CADM2: variants seen among roughly 807,000 people sequenced by gnomAD.
CADM2 encodes the protein cell adhesion molecule 2, also known as immunoglobulin superfamily member 4D.
A neutral mutation model predicts 49.8 loss-of-function variants in CADM2; 12 were observed. The observed-to-expected ratio is 0.24, with a 90% confidence interval of 0.15 to 0.39. CADM2 has a LOEUF of 0.39. CADM2 is among the 10% of genes least tolerant of loss of function. CADM2 has a pLI of 1.00. For synonymous variants in CADM2, 214 were observed against 175.4 expected (o/e 1.22, Z -1.74); for missense variants, 378 against 492.3 (o/e 0.77, Z 2.20).
intron 1 of CADM2, among the ~76,000 whole-genome samples, chr3:85,595,350 T>C (rs1283104270): frequency 6.6e-6 from 1 of 152,042 alleles, no homozygotes; most frequent in Non-Finnish European, 1.5e-5. Context: ...TGACTTCTGA[T>C]ATTATCCAAT....
At chr3:85,474,480 C>T (rs895401915) in intron 1 of CADM2, among the ~76,000 whole-genome samples, 4 of 151,972 alleles carry the variant, frequency 2.6e-5, no homozygotes, top group African/African-American at 9.7e-5. Flanking sequence ...ATCCATAAAG[C>T]ACCTCCACAG....
intron 8 of CADM2, among the ~76,000 whole-genome samples, chr3:86,009,217 G>GTATA (rs1553722325): frequency 4.1e-5 from 6 of 145,136 alleles, no homozygotes; most frequent in Non-Finnish European, 9.0e-5. Context: ...GTATGTGTGT[G>GTATA]TATATATATA....
chr3:85,900,572 A>T (rs1375720291), intron 5 of CADM2, among the ~76,000 whole-genome samples: 1 of 152,252 alleles, frequency 6.6e-6, no homozygotes, highest in East Asian at 1.9e-4. Flanking sequence ...AGTGTCAAGG[A>T]ATTGACCAAA....
chr3:85,613,979 T>G lies in CADM2; in HGVS notation c.62-112543T>G, dbSNP rs938816235. Among the ~76,000 whole-genome samples the G allele has an allele frequency of 4.6e-5, 7 of 151,814 alleles. No homozygotes were observed. The East Asian group carries it at 1.4e-3, about 29-fold the overall frequency. The stretch of plus-strand genomic sequence containing the variant: ...AATAAATGTTCATTTATTTAATGTA[T>G]TTTCTTACTATTATTAGTAAAAATT... On this transcript the variant is annotated intron_variant, in intron 1 of 9. Transcript: ENST00000383699.
At chr3:85,790,728 A>G (rs1466684419) in intron 2 of CADM2, among the ~76,000 whole-genome samples, 1 of 152,190 alleles carries the variant, frequency 6.6e-6, no homozygotes, top group East Asian at 1.9e-4. Context: ...TTACACTCTG[A>G]TATCAGGAGG....
chr3:86,052,372 A>G (rs1042455375), intron 8 of CADM2, among the ~76,000 whole-genome samples: 5 of 152,138 alleles, frequency 3.3e-5, no homozygotes, highest in African/African-American at 1.2e-4. Context: ...TATAACATAT[A>G]GTGTGGAATA....
chr3:85,163,925 A>T, intron 1 of CADM2, among the ~76,000 whole-genome samples: 1 of 151,972 alleles, frequency 6.6e-6, no homozygotes, highest in South Asian at 2.1e-4. Flanking sequence ...TCCTCATTTC[A>T]TACACCCTGT....
chr3:85,637,626 T>A (rs1386985416), intron 1 of CADM2, among the ~76,000 whole-genome samples: 9 of 141,078 alleles, frequency 6.4e-5, no homozygotes, highest in African/African-American at 1.1e-4. Flanking sequence ...AAAAAAAAAA[T>A]AAAATAAAAT....
intron 6 of CADM2, among the ~76,000 whole-genome samples, chr3:85,920,790 T>C (rs944132749): frequency 3.6e-4 from 54 of 151,640 alleles, no homozygotes; most frequent in African/African-American, 1.3e-3. Context: ...CGTAACAATT[T>C]GTGTGTGTGT....
chr3:85,436,094 C>A (rs537124734), intron 1 of CADM2, among the ~76,000 whole-genome samples: 10 of 152,108 alleles, frequency 6.6e-5, no homozygotes, highest in Admixed American at 1.3e-4. Flanking sequence ...TGAAGCCTTG[C>A]CCATGCCTGT....
At chr3:85,769,408 C>T (rs2069897384) in intron 2 of CADM2, among the ~76,000 whole-genome samples, 1 of 99,426 alleles carries the variant, frequency 1.0e-5, no homozygotes, top group South Asian at 3.0e-4. Context: ...TATATATATA[C>T]ACGTATATAC....
At chr3:85,064,596 T>G (rs1387480170) in intron 1 of CADM2, among the ~76,000 whole-genome samples, 1 of 152,078 alleles carries the variant, frequency 6.6e-6, no homozygotes, top group Non-Finnish European at 1.5e-5. Context: ...TCTTGCCTCC[T>G]TTGGTTCTTA....
intron 1 of CADM2, among the ~76,000 whole-genome samples, chr3:85,584,325 C>G (rs1441721505): frequency 6.6e-6 from 1 of 151,908 alleles, no homozygotes. Flanking sequence ...GGAAATTAAT[C>G]CCTCTACCTT....
At chr3:85,907,148 T>C (rs996756753) in intron 5 of CADM2, among the ~76,000 whole-genome samples, 1 of 152,226 alleles carries the variant, frequency 6.6e-6, no homozygotes, top group African/African-American at 2.4e-5. Context: ...GTATATTTTC[T>C]GTTCTCTATG....
At chr3:85,587,992 C>T (rs1246051963) in intron 1 of CADM2, among the ~76,000 whole-genome samples, 2 of 151,968 alleles carry the variant, frequency 1.3e-5, no homozygotes, top group East Asian at 3.9e-4. Context: ...GTTTCCAATT[C>T]CTGGGCTCAA....
chr3:85,837,294 C>T (rs1293152969), intron 3 of CADM2, among the ~76,000 whole-genome samples: 1 of 151,556 alleles, frequency 6.6e-6, no homozygotes, highest in Non-Finnish European at 1.5e-5. Flanking sequence ...TAACTGTTAA[C>T]TGGATAATGT....
chr3:85,613,129 T>A (rs1389544568), intron 1 of CADM2, among the ~76,000 whole-genome samples: 1 of 151,736 alleles, frequency 6.6e-6, no homozygotes, highest in African/African-American at 2.4e-5. Context: ...TGAAAAGCTC[T>A]TTTCTAATGT....
intron 1 of CADM2, among the ~76,000 whole-genome samples, chr3:85,530,551 A>G (rs1201048590): frequency 2.0e-5 from 3 of 151,886 alleles, no homozygotes; most frequent in Admixed American, 6.6e-5. Flanking sequence ...GGATGGTCTC[A>G]ATCTCCTGAC....
intron 1 of CADM2, among the ~76,000 whole-genome samples, chr3:85,329,528 C>T (rs547736375): frequency 6.6e-6 from 1 of 151,952 alleles, no homozygotes; most frequent in Admixed American, 6.6e-5. Context: ...CGAGATTGCA[C>T]GGAGCCGAGA....
Sources: allele counts gnomAD v4.1 joint callset (sites outside exome capture counted in the v4.1 genomes callset), GRCh38; gene constraint gnomAD v4.1.1; transcripts MANE v1.5; gene names NCBI Gene and HGNC (gene_info 2026-07-23, HGNC 2026-07-21).